AIFM2: variants seen among roughly 807,000 people sequenced by gnomAD.
The protein encoded by AIFM2 is ferroptosis suppressor protein 1.
AIFM2 carries 38 observed loss-of-function variants against 35.7 expected under a neutral mutation model. The ratio of observed to expected loss-of-function variants is 1.06; its 90% CI spans 0.82 to 1.39. The LOEUF (loss-of-function observed/expected upper bound fraction) is 1.39, where lower values mean the gene tolerates loss of function less well. AIFM2 is among the 40% of genes most tolerant of loss of function. The pLI, the probability that AIFM2 is intolerant of heterozygous loss-of-function variation, is 0.00. For missense variants in AIFM2, 476 were observed against 491.2 expected (o/e 0.97, Z 0.29); for synonymous variants, 185 against 203.5 (o/e 0.91, Z 0.77).
chr10:70,121,292 C>G, intron 3 of AIFM2, 81 bp from the exon 4 acceptor site: 1 of 1,417,060 alleles, frequency 7.1e-7, no homozygotes, highest in Non-Finnish European at 9.1e-7. Context: ...TAGGCCTCTG[C>G]ATCCTACTCC....
chr10:70,117,697 A>T lies in AIFM2; in HGVS notation c.616+115T>A. On this transcript the variant is annotated intron_variant, in intron 6 of 8. Transcript: ENST00000307864. This position sits in a 1 kb window ranked among gnomAD's most constrained non-coding sequence, Gnocchi z 4.7. ...GCTCCACCCCAGGACACAGTGGAAA[A>T]GAGAGAGCCTGGGGTGGACCATAGC... The T allele has an allele frequency of 1.3e-6, 1 of 782,942 alleles. No individual in the cohort carries two copies. Among genetic ancestry groups the T allele is most frequent in the African/African-American group, 1.8e-5 (1 of 56,284 alleles). The allele number at this position is 782,942 out of a possible 1,614,324, so 48.5% of individuals were successfully genotyped here.
In AIFM2 at chr10:70,124,864, C is replaced by T. The variant is rs116797062; in HGVS notation, c.-13-767G>A. Among the ~76,000 whole-genome samples the T allele has an allele frequency of 4.4e-3, 663 of 152,306 alleles. 3 individuals are homozygous for T. The highest frequency in any genetic ancestry group is 0.015 in the African/African-American group (617 of 41,558). On this transcript the variant is annotated intron_variant, in intron 1 of 8. Coordinates refer to ENST00000307864, the MANE Select transcript of AIFM2 (RefSeq NM_032797.6). The stretch of plus-strand genomic sequence containing the variant: ...TCTAAGGAGGTCAATTAGCAGGTTA[C>T]GACAAGAATCCTGCAAAATTCTGCT...
At chr10:70,116,141 C>T (rs1314432451) in intron 7 of AIFM2, among the ~76,000 whole-genome samples, 1 of 152,200 alleles carries the variant, frequency 6.6e-6, no homozygotes, top group Non-Finnish European at 1.5e-5. Context: ...TCCACCTCTG[C>T]CACCTCCAGC....
chr10:70,120,132 A>G (rs1166095377), intron 5 of AIFM2, among the ~76,000 whole-genome samples: 2 of 152,214 alleles, frequency 1.3e-5, no homozygotes, highest in African/African-American at 4.8e-5. Flanking sequence ...GTAATCAAAT[A>G]CTGGTTGCCA....
Position 70,114,007 on chromosome 10 carries a change from A to T in AIFM2, c.*171T>A. 6.6e-6 allele frequency: 5 copies of T among 760,138 alleles called. No individual in the cohort carries two copies. The highest frequency in any genetic ancestry group is 1.0e-5 in the Non-Finnish European group (5 of 494,520). The allele number at this position is 760,138 out of a possible 1,614,324, so 47.1% of individuals were successfully genotyped here. A position where few individuals can be genotyped will look rare whatever the true frequency, so the allele number is the denominator to read the frequency against. On this transcript the variant is annotated 3_prime_UTR_variant, in exon 9 of 9. Transcript: ENST00000307864. ...CCTCTAAGGGGGGTATTTGTTTAAT[A>T]CCTCTCTCTCTCCCATTTTTGTTTT...
rs566629091 is a variant in AIFM2 at position 70,113,367 on chromosome 10, A to G, written c.*811T>C. 6.6e-6 allele frequency: 1 copy of G among 152,358 alleles called. No individual in the cohort carries two copies. Among genetic ancestry groups the G allele is most frequent in the South Asian group, 2.1e-4 (1 of 4,832 alleles). The allele number at this position is 152,358 out of a possible 1,614,324, so 9.4% of individuals were successfully genotyped here. A position where few individuals can be genotyped will look rare whatever the true frequency, so the allele number is the denominator to read the frequency against. On this transcript the variant is annotated 3_prime_UTR_variant, in exon 9 of 9. Coordinates refer to ENST00000307864, the MANE Select transcript of AIFM2 (RefSeq NM_032797.6). ...CAGTGAAACCCCGTCTCTATTTAAA[A>G]AATACAAAAATTAGCCAGGCATGGT... is the stretch of plus-strand genomic sequence containing the variant.
rs1275178633 is a variant in AIFM2 at position 70,118,989 on chromosome 10, G to A, written c.508-1069C>T. Among the ~76,000 whole-genome samples the A allele has an allele frequency of 2.6e-5, 4 of 152,144 alleles. 1 individual carries two copies. In the East Asian group the frequency reaches 7.7e-4, roughly 29 times the overall value. On this transcript the variant is annotated intron_variant, in intron 5 of 8. Transcript: ENST00000307864. ...GTCTGGAACTTTCAGCTCCAGTGAC[G>A]AGAGGGGGCTGGAGATTGAGGTCAT...
intron 2 of AIFM2, 71 bp downstream of exon 2, chr10:70,123,836 C>T: frequency 7.0e-7 from 1 of 1,435,320 alleles, no homozygotes; most frequent in Non-Finnish European, 9.2e-7. Context: ...CCACCCCCAG[C>T]CCTAAAATCA....
rs1220290108 is a variant in AIFM2 at position 70,121,114 on chromosome 10, G to A, written c.392C>T (p.Ala131Val). Residue 131 changes from alanine (A) to valine (V), a missense_variant, in exon 4 of 9, where the codon GCC becomes GTC. Transcript: ENST00000307864. Reference sequence around the variant, plus strand: ...CACCTGCCTCACCATGTCCTCATAGGCCTGGATAGCGGCCTGCTGGCTGGA... The same window carrying A: ...CACCTGCCTCACCATGTCCTCATAGACCTGGATAGCGGCCTGCTGGCTGGA... The part of the protein sequence containing the change: ...EVSSQQAAIQ[A>V]YEDMVRQVQR... The A allele has an allele frequency of 1.9e-6, 3 of 1,612,456 alleles. No individual in the cohort carries two copies. Among genetic ancestry groups the A allele is most frequent in the Non-Finnish European group, 2.5e-6 (3 of 1,179,748 alleles).
At chr10:70,116,472 TG>T in intron 7 of AIFM2, 149 bp downstream of exon 7, 2 of 1,084,018 alleles carry the variant, frequency 1.8e-6, no homozygotes, top group Non-Finnish European at 2.7e-6. Context: ...TCAGCAAGGG[TG>T]GACCCTCACT....
intron 3 of AIFM2, among the ~76,000 whole-genome samples, chr10:70,121,650 C>T (rs1227957476): frequency 6.6e-6 from 1 of 151,954 alleles, no homozygotes; most frequent in Non-Finnish European, 1.5e-5. Flanking sequence ...TCAGTAGTGG[C>T]ATCACATCTG....
intron 5 of AIFM2, among the ~76,000 whole-genome samples, chr10:70,119,472 C>T (rs117888793): frequency 6.6e-6 from 1 of 152,240 alleles, no homozygotes; most frequent in East Asian, 1.9e-4. Flanking sequence ...TGAATTGAAC[C>T]GTAGGACACC....
chr10:70,120,955 C>T, intron 4 of AIFM2, 137 bp downstream of exon 4: 6 of 1,422,632 alleles, frequency 4.2e-6, no homozygotes, highest in Non-Finnish European at 5.6e-6. Context: ...AAAGTCTCTT[C>T]CTAGTGACTC....
chr10:70,123,817 T>G, intron 2 of AIFM2, 90 bp downstream of exon 2: 2 of 1,359,806 alleles, frequency 1.5e-6, no homozygotes, highest in Non-Finnish European at 2.0e-6. Context: ...TGGCCCTAAA[T>G]GGAGAAAACC....
rs1409221827 is a variant in AIFM2, at chr10:70,131,359, G to A, written c.-14+1375C>T. Among the ~76,000 whole-genome samples, 1 of 152,190 alleles carries A rather than the reference G, an allele frequency of 6.6e-6. No individual in the cohort carries two copies. Among genetic ancestry groups the A allele is most frequent in the Admixed American group, 6.5e-5 (1 of 15,286 alleles). Reference sequence around the variant, plus strand: ...TTCCTCCACCTGCGGGACACAGCAGGATGGAGACGGTTGGGCGGCCTCCCT... The same window carrying A: ...TTCCTCCACCTGCGGGACACAGCAGAATGGAGACGGTTGGGCGGCCTCCCT... On this transcript the variant is annotated intron_variant, in intron 1 of 8. Transcript: ENST00000307864. The surrounding 1 kb of genome is among the most constrained non-coding windows in gnomAD (Gnocchi z 4.1).
chr10:70,120,582 G>A lies in AIFM2; in HGVS notation c.432C>T (p.Phe144=). The A allele has an allele frequency of 1.2e-6, 2 of 1,614,074 alleles. No homozygotes were observed. The highest frequency in any genetic ancestry group is 1.7e-6 in the Non-Finnish European group (2 of 1,180,032). ...DMVRQVQRSR[F]IVVVGGGSAG... ...CCGAGCCTCCTCCCACCACCACGAT[G>A]AACCGTGAGCGCTGGACCTGGAGAA... Residue 144 remains phenylalanine, a synonymous_variant, in exon 5 of 9, where the codon TTC becomes TTT. Coordinates refer to ENST00000307864, the MANE Select transcript of AIFM2 (RefSeq NM_032797.6).
rs747331111 is a variant in AIFM2 at position 70,123,393 on chromosome 10, GC to G, written c.294+11del. ...CTTGAGCCAGCTGGCAGCCGGGCTG[GC>G]CCTCACTCACCTCGCCACCCTGCAG... On this transcript the variant is annotated intron_variant, in intron 3 of 8. Transcript: ENST00000307864. The G allele has an allele frequency of 7.2e-5, 116 of 1,611,326 alleles. No homozygotes were observed. Among genetic ancestry groups the G allele is most frequent in the Non-Finnish European group, 9.7e-5 (114 of 1,177,968 alleles).
In AIFM2 at chr10:70,117,901, T is replaced by C. The variant is rs2072455804; in HGVS notation, c.527A>G (p.Gln176Arg). The change falls in exon 6 of 9, where the codon CAA (glutamine) becomes CGA (arginine). Residue 176 changes from glutamine to arginine, a missense_variant. Physicochemically the swap from Gln to Arg is conservative, Grantham distance 43. Coordinates refer to ENST00000307864, the MANE Select transcript of AIFM2 (RefSeq NM_032797.6). The surrounding 1 kb of genome is among the most constrained non-coding windows in gnomAD (Gnocchi z 4.7). ...GAGCTCCTTGTCAGCCAGGGCCACT[T>C]GGGAGTGAATGAGAGTGACCTGAGG... ...PEKEVTLIHS[Q>R]VALADKELLP... 3 of 1,608,078 alleles carry C rather than the reference T, an allele frequency of 1.9e-6. No homozygotes were observed. The African/African-American group carries it at 4.0e-5, about 22-fold the overall frequency.
At chr10:70,130,737 C>T (rs1009091627) in intron 1 of AIFM2, among the ~76,000 whole-genome samples, 8 of 152,144 alleles carry the variant, frequency 5.3e-5, no homozygotes, top group Admixed American at 5.2e-4. Context: ...TTTTGAGGAA[C>T]TGCTAAATCC....
Sources: gnomAD v4.1 joint callset for allele counts (sites outside exome capture counted in the v4.1 genomes callset) on GRCh38, gnomAD v4.1.1 for gene constraint, Gnocchi (gnomAD v3.1) non-coding constraint, MANE v1.5 for transcripts, NCBI Gene and HGNC (gene_info 2026-07-23, HGNC 2026-07-21) for gene names.